ZNF335: variants seen among roughly 807,000 people sequenced by gnomAD.
ZNF335 encodes NRC-interacting factor 1.
In ZNF335, 84 loss-of-function variants were observed where a neutral mutation model predicts 145.6. That is an observed-to-expected ratio of 0.58 (90% CI 0.48 to 0.69). ZNF335 has a LOEUF of 0.69. Among genes scored for constraint, ZNF335 ranks in the 30% least tolerant of loss-of-function variants. ZNF335 has a pLI of 0.00. For missense variants in ZNF335, 1,865 were observed against 1,809.7 expected (o/e 1.03, Z -0.55); for synonymous variants, 761 against 717.0 (o/e 1.06, Z -0.98).
chr20:45,968,142 AG>A (rs1243827449), intron 4 of ZNF335, 115 bp from the exon 5 acceptor site: 2 of 1,518,718 alleles, frequency 1.3e-6, no homozygotes, highest in Admixed American at 3.5e-5. Context: ...TCCCCACCAG[AG>A]GCCAACCCGT....
chr20:45,967,480 C>T lies in ZNF335; in HGVS notation c.955+14G>A. The T allele has an allele frequency of 6.2e-7, 1 of 1,614,098 alleles. No individual in the cohort carries two copies. Among genetic ancestry groups the T allele is most frequent in the Non-Finnish European group, 8.5e-7 (1 of 1,180,028 alleles). On this transcript the variant is annotated intron_variant, in intron 6 of 27. Transcript: ENST00000322927. The stretch of plus-strand genomic sequence containing the variant: ...GGCATAGGGATGGCAGGCCTAGAAA[C>T]CATGGTGGCCTACCCTCCAGGTCAT...
intron 1 of ZNF335, 21 bp from the exon 2 acceptor site, chr20:45,971,481 G>C (rs745788143): frequency 6.4e-7 from 1 of 1,567,928 alleles, no homozygotes; most frequent in Non-Finnish European, 8.6e-7. Flanking sequence ...AGGTGACCGT[G>C]GCTGGAACAA....
At chr20:45,968,090 A>G in intron 4 of ZNF335, 63 bp from the exon 5 acceptor site, 2 of 1,598,566 alleles carry the variant, frequency 1.3e-6, no homozygotes, top group Non-Finnish European at 1.7e-6. Context: ...CATGAGCTAT[A>G]GCTACCCCTC....
chr20:45,967,467 G>A (rs772435672), intron 6 of ZNF335, 27 bp downstream of exon 6: 1 of 1,613,882 alleles, frequency 6.2e-7, no homozygotes, highest in Non-Finnish European at 8.5e-7. Context: ...CATAGGGATG[G>A]CAGGCCTAGA....
chr20:45,971,833 T>C (rs1180896526), intron 1 of ZNF335: 6 of 984,574 alleles, frequency 6.1e-6, no homozygotes, highest in Non-Finnish European at 7.2e-6. Flanking sequence ...CCTGGGTCAG[T>C]GGTTCGCTCC....
rs1158027452 is a variant in ZNF335, at chr20:45,950,313, C to T, written c.3393G>A (p.Arg1131=). The T allele has an allele frequency of 2.6e-6, 4 of 1,567,580 alleles. No homozygotes were observed. The highest frequency in any genetic ancestry group is 3.5e-6 in the Non-Finnish European group (4 of 1,154,732). The change falls in exon 22 of 28, where the codon AGG becomes AGA. Residue 1131 remains arginine (R), a synonymous_variant. Coordinates refer to ENST00000322927, the MANE Select transcript of ZNF335 (RefSeq NM_022095.4). ...HIQRLHSPDG[R]KSGTPTARAP... is the part of the protein sequence containing the mutation. ...CCCGGGCTGTAGGGGTTCCTGACTT[C>T]CTCCCATCAGGACTGTGCAGCCGCT...
intron 17 of ZNF335, among the ~76,000 whole-genome samples, chr20:45,955,451 G>C (rs1014195315): frequency 2.0e-5 from 3 of 151,204 alleles, no homozygotes; most frequent in African/African-American, 7.3e-5. Flanking sequence ...GTATACTGGC[G>C]TATCTTTTTA....
In ZNF335 at chr20:45,965,688, G is replaced by T. The variant is rs765024829; in HGVS notation, c.1042C>A (p.Arg348=). Reference sequence around the variant, plus strand: ...TTCCGGGGCCGGCCAGGTCTCCTTCGGGGCCTTGGGGTACTGGGGGTGGGG... The same window carrying T: ...TTCCGGGGCCGGCCAGGTCTCCTTCTGGGCCTTGGGGTACTGGGGGTGGGG... The part of the protein sequence containing the change: ...QRPTPSTPRP[R]RRPGRPRKLP... Residue 348 remains arginine (R), a synonymous_variant, in exon 7 of 28, where the codon CGA becomes AGA. Coordinates refer to ENST00000322927, the MANE Select transcript of ZNF335 (RefSeq NM_022095.4). The T allele has an allele frequency of 6.8e-5, 109 of 1,601,056 alleles. No individual in the cohort carries two copies. The highest frequency in any genetic ancestry group is 2.5e-4 in the East Asian group (11 of 43,566).
At chr20:45,957,989 C>A in intron 15 of ZNF335, 61 bp from the exon 16 acceptor site, 1 of 1,337,572 alleles carries the variant, frequency 7.5e-7, no homozygotes, top group Non-Finnish European at 1.1e-6. Flanking sequence ...GTGCCATTTG[C>A]CAAGCACCTC....
chr20:45,964,747 A>C (rs538376984), intron 7 of ZNF335, among the ~76,000 whole-genome samples: 6 of 152,284 alleles, frequency 3.9e-5, no homozygotes, highest in African/African-American at 1.4e-4. Context: ...AGACTAAAGA[A>C]TACAATAGGC....
intron 7 of ZNF335, among the ~76,000 whole-genome samples, chr20:45,965,020 C>G (rs2083924778): frequency 7.0e-6 from 1 of 142,940 alleles, no homozygotes; most frequent in Admixed American, 7.0e-5. Flanking sequence ...AAGAGTGAAA[C>G]TCTGTCTCAA....
intron 6 of ZNF335, 141 bp from the exon 7 acceptor site, chr20:45,965,915 G>T: frequency 9.6e-7 from 1 of 1,043,856 alleles, no homozygotes; most frequent in Non-Finnish European, 1.3e-6. Flanking sequence ...AAGCCCTCCT[G>T]ATCTCCTCTG....
intron 4 of ZNF335, 94 bp downstream of exon 4, chr20:45,968,171 CCCAGAGCAGTGGATACCCAG>C (rs2083996098): frequency 1.3e-6 from 2 of 1,500,382 alleles, no homozygotes; most frequent in Admixed American, 3.4e-5. Flanking sequence ...AAAACTGAGA[CCCAGAGCAGTGGATACCCAG>C]CCAGGGCCAC....
chr20:45,950,568 G>A lies in ZNF335; in HGVS notation c.3217C>T (p.Arg1073Trp), dbSNP rs1419126170. 8.1e-6 allele frequency: 13 copies of A among 1,614,046 alleles called. No homozygotes were observed. Among genetic ancestry groups the A allele is most frequent in the Non-Finnish European group, 1.1e-5 (13 of 1,180,016 alleles). ...RAHMAQHSSL[R>W]PHQCSQCSFA... The stretch of plus-strand genomic sequence containing the variant: ...CTGCACTGGCTACACTGGTGGGGCC[G>A]TAGGCTTGAGTGCTGTGCCATGTGC... Residue 1073 changes from arginine to tryptophan, a missense_variant, in exon 21 of 28, where the codon CGG becomes TGG. Arg to Trp is a moderately radical substitution (Grantham distance 101, BLOSUM62 -3). Coordinates refer to ENST00000322927, the MANE Select transcript of ZNF335 (RefSeq NM_022095.4).
rs1274021320 is a variant in ZNF335 at position 45,949,889 on chromosome 20, A to G, written c.3592-12T>C. ...TAGGCGGCTTCCTCCTGCCAGGACCAAGACAGCTCTAGCCTCATTTCTCTA... is the reference window on the plus strand; with the variant it reads ...TAGGCGGCTTCCTCCTGCCAGGACCGAGACAGCTCTAGCCTCATTTCTCTA... On this transcript the variant is annotated splice_polypyrimidine_tract_variant and intron_variant, in intron 23 of 27. Transcript: ENST00000322927. 6.2e-7 allele frequency: 1 copy of G among 1,614,130 alleles called. No homozygotes were observed. The highest frequency in any genetic ancestry group is 1.1e-5 in the South Asian group (1 of 91,084).
At position 45,955,689 on chromosome 20, in the gene ZNF335, G is replaced by A. The variant is rs1358093489; in HGVS notation, c.2443-1741C>T. On this transcript the variant is annotated intron_variant, in intron 17 of 27. Coordinates refer to ENST00000322927, the MANE Select transcript of ZNF335 (RefSeq NM_022095.4). Reference sequence around the variant, plus strand: ...CAAAAAAGTAGCCAGGTGTGGTGACGTGCACCTGTAATCCCAGCAACTCAG... The same window carrying A: ...CAAAAAAGTAGCCAGGTGTGGTGACATGCACCTGTAATCCCAGCAACTCAG... Among the ~76,000 whole-genome samples the A allele has an allele frequency of 2.6e-5, 4 of 151,884 alleles. No homozygotes were observed. The East Asian group carries it at 5.8e-4, about 22-fold the overall frequency.
chr20:45,954,297 G>A (rs954711742), intron 17 of ZNF335, among the ~76,000 whole-genome samples: 3 of 152,246 alleles, frequency 2.0e-5, no homozygotes, highest in Admixed American at 6.5e-5. Context: ...GCACAGGACC[G>A]CCCCACCACA....
At chr20:45,968,446 G>T in intron 3 of ZNF335, 84 bp from the exon 4 acceptor site, 1 of 1,323,416 alleles carries the variant, frequency 7.6e-7, no homozygotes, top group Non-Finnish European at 1.1e-6. Flanking sequence ...ACTTTGGCCT[G>T]TGAGCAGGGC....
At chr20:45,960,424 C>T (rs576205472) in intron 13 of ZNF335, 25 bp downstream of exon 13, 82 of 1,614,170 alleles carry the variant, frequency 5.1e-5, no homozygotes, top group East Asian at 6.7e-5. Flanking sequence ...TGCTCCCGTC[C>T]CCAGGGGCCT....
Sources: allele counts gnomAD v4.1 joint callset (sites outside exome capture counted in the v4.1 genomes callset), GRCh38; gene constraint gnomAD v4.1.1; transcripts MANE v1.5; gene names NCBI Gene and HGNC (gene_info 2026-07-23, HGNC 2026-07-21).